The following SOX6 variants were observed in gnomAD, a reference collection of about 807,000 sequenced individuals.
SOX6 encodes SRY-box transcription factor 6, also known as transcription factor SOX-6.
Under a neutral mutation model 97.8 loss-of-function variants are expected in SOX6, and 11 were observed. That is an observed-to-expected ratio of 0.11 (90% CI 0.07 to 0.19). The LOEUF is 0.19. Among genes scored for constraint, SOX6 ranks in the 10% least tolerant of loss-of-function variants. The pLI is 1.00. For synonymous variants in SOX6, 360 were observed against 371.4 expected, an observed-to-expected ratio of 0.97 and a Z score of 0.35; for missense variants, 810 against 1,039.5, an observed-to-expected ratio of 0.78 and a Z score of 3.04.
intron 3 of SOX6, among the ~76,000 whole-genome samples, chr11:16,293,053 GGA>G (rs1193095000): frequency 6.6e-6 from 1 of 151,960 alleles, no homozygotes. Context: ...TAGGCACAAA[GGA>G]GAAAAAAATC....
intron 3 of SOX6, among the ~76,000 whole-genome samples, chr11:16,257,579 T>C (rs1443578186): frequency 6.6e-6 from 1 of 151,850 alleles, no homozygotes; most frequent in African/African-American, 2.4e-5. Context: ...TAGACCTAAA[T>C]GTAAAACACA....
At chr11:16,639,817 G>A (rs1263056145) in intron 3 of SOX6, among the ~76,000 whole-genome samples, 9 of 152,068 alleles carry the variant, frequency 5.9e-5, no homozygotes, top group Non-Finnish European at 8.8e-5. Flanking sequence ...GGGCTGAGAC[G>A]ATAGGGTTTT....
intron 4 of SOX6, among the ~76,000 whole-genome samples, chr11:16,500,808 G>A (rs1429988169): frequency 2.6e-5 from 4 of 152,176 alleles, no homozygotes; most frequent in Non-Finnish European, 5.9e-5. Context: ...TGAAATAAAA[G>A]AGGATACAAA....
At chr11:16,482,902 G>A (rs1860367799) in intron 4 of SOX6, among the ~76,000 whole-genome samples, 1 of 152,162 alleles carries the variant, frequency 6.6e-6, no homozygotes, top group South Asian at 2.1e-4. Flanking sequence ...TGTTTCGTGA[G>A]TGGTAATAAT....
intron 4 of SOX6, among the ~76,000 whole-genome samples, chr11:16,531,209 A>G (rs1396730709): frequency 6.6e-6 from 1 of 151,126 alleles, no homozygotes; most frequent in Non-Finnish European, 1.5e-5. Flanking sequence ...TACATATATG[A>G]GGATTTTCAA....
Position 16,049,859 on chromosome 11 carries a change from G to T in SOX6, c.1331C>A (p.Thr444Asn). The T allele has an allele frequency of 6.2e-7, 1 of 1,613,852 alleles. No individual in the cohort carries two copies. Among genetic ancestry groups the T allele is most frequent in the Non-Finnish European group, 8.5e-7 (1 of 1,179,824 alleles). The change falls in exon 11 of 16, where the codon ACC (threonine) becomes AAC (asparagine). Residue 444 changes from threonine (T) to asparagine (N), a missense_variant. Physicochemically the swap from Thr to Asn is moderately conservative, Grantham distance 65. Around this residue, in one of 9 missense-constraint regions of SOX6, gnomAD observed 244 missense variants for 261.0 expected, o/e 0.93. Transcript: ENST00000683767. Reference protein sequence around the residue: ...AEPVKSPTSPTQNLFPASKTS... With the variant: ...AEPVKSPTSPNQNLFPASKTS... ...TTTGCTGGCTGGGAAGAGGTTCTGG[G>T]TGGGAGACGTTGGGGACTTTACAGG...
intron 2 of SOX6, among the ~76,000 whole-genome samples, chr11:16,723,812 T>C (rs544392240): frequency 4.6e-5 from 7 of 151,950 alleles, no homozygotes; most frequent in Middle Eastern, 3.2e-3. Context: ...AAGTCCAACC[T>C]CTCGATTTTT....
intron 2 of SOX6, among the ~76,000 whole-genome samples, chr11:16,335,104 A>C (rs1399246623): frequency 1.3e-5 from 2 of 152,176 alleles, no homozygotes; most frequent in African/African-American, 2.4e-5. Flanking sequence ...ATACTAAATA[A>C]ATTTCTGTCA....
chr11:16,098,882 G>T (rs1477763804), intron 7 of SOX6, among the ~76,000 whole-genome samples: 1 of 151,774 alleles, frequency 6.6e-6, no homozygotes, highest in African/African-American at 2.4e-5. Flanking sequence ...GTATGGACAC[G>T]AATACCTGGA....
At chr11:16,539,497 T>G (rs763505407) in intron 4 of SOX6, among the ~76,000 whole-genome samples, 15 of 151,014 alleles carry the variant, frequency 9.9e-5, no homozygotes, top group Admixed American at 3.3e-4. Flanking sequence ...GATAGAGACA[T>G]AAAAAAAACC....
intron 3 of SOX6, among the ~76,000 whole-genome samples, chr11:16,665,689 TA>T (rs1185623554): frequency 6.6e-6 from 1 of 152,140 alleles, no homozygotes; most frequent in East Asian, 1.9e-4. Flanking sequence ...GAGCATTCAG[TA>T]AACATAGGCA....
At chr11:16,467,940 C>G (rs1860073068) in intron 1 of SOX6, among the ~76,000 whole-genome samples, 1 of 152,142 alleles carries the variant, frequency 6.6e-6, no homozygotes, top group East Asian at 1.9e-4. Flanking sequence ...CTTTATTTCC[C>G]CTTCTCTACA....
chr11:16,431,020 A>C (rs911008355), intron 1 of SOX6, among the ~76,000 whole-genome samples: 3 of 152,076 alleles, frequency 2.0e-5, no homozygotes, highest in African/African-American at 7.2e-5. Flanking sequence ...CTATTCTTCA[A>C]GTTCATCAAG....
chr11:16,242,151 G>A (rs1289113740), intron 3 of SOX6, among the ~76,000 whole-genome samples: 1 of 152,066 alleles, frequency 6.6e-6, no homozygotes, highest in Non-Finnish European at 1.5e-5. Context: ...ATACAGTCAT[G>A]AGCTGCATAA....
At chr11:16,427,215 A>C (rs1182810646) in intron 1 of SOX6, among the ~76,000 whole-genome samples, 1 of 152,154 alleles carries the variant, frequency 6.6e-6, no homozygotes. Context: ...AAATTTTTGG[A>C]AACTATACAT....
chr11:16,373,975 A>C (rs1193329009), intron 1 of SOX6, among the ~76,000 whole-genome samples: 4 of 152,010 alleles, frequency 2.6e-5, no homozygotes, highest in Non-Finnish European at 2.9e-5. Flanking sequence ...TTATTAATAC[A>C]GAAATGTAGC....
rs1859478955 is a variant in SOX6 at position 16,440,287 on chromosome 11, G to T, written c.-5+36028C>A. On this transcript the variant is annotated intron_variant, in intron 1 of 15. Coordinates refer to the SOX6 transcript ENST00000396356. ...TGGAATAATTAGAACATGTCAGGAA[G>T]AATTAATTTCCTCATTTTTCAAAAG... Among the ~76,000 whole-genome samples the T allele has an allele frequency of 2.0e-5, 3 of 152,112 alleles. No individual in the cohort carries two copies. The South Asian group carries it at 6.2e-4, about 32-fold the overall frequency.
chr11:16,703,847 C>A (rs751918357), intron 3 of SOX6, among the ~76,000 whole-genome samples: 2 of 152,092 alleles, frequency 1.3e-5, no homozygotes, highest in Non-Finnish European at 2.9e-5. Context: ...TTCTATTTTT[C>A]TCTCACCCCC....
chr11:16,580,555 C>T (rs540549761), intron 4 of SOX6, among the ~76,000 whole-genome samples: 1 of 152,222 alleles, frequency 6.6e-6, no homozygotes, highest in East Asian at 1.9e-4. Context: ...CATCGCAGCA[C>T]TATTCACAAT....
Sources: allele counts gnomAD v4.1 joint callset (sites outside exome capture counted in the v4.1 genomes callset), GRCh38; gene constraint gnomAD v4.1.1; regional missense constraint gnomAD v4.1.1; transcripts MANE v1.5; gene names NCBI Gene and HGNC (gene_info 2026-07-23, HGNC 2026-07-21).